HMBOX1: variants seen among roughly 807,000 people sequenced by gnomAD.
HMBOX1 encodes homeobox containing 1.
HMBOX1 carries 14 observed loss-of-function variants against 54.5 expected under a neutral mutation model. That is an observed-to-expected ratio of 0.26 (90% CI 0.17 to 0.40). The LOEUF is 0.40. Ranked by LOEUF, HMBOX1 falls within the 10% of genes least tolerant of loss-of-function variation. The probability of loss-of-function intolerance (pLI) is 1.00; values close to 1 mark genes in which losing one functional copy is unlikely to be tolerated. For missense variants in HMBOX1, 332 were observed against 514.4 expected (o/e 0.65, Z 3.43); for synonymous variants, 160 against 181.0 (o/e 0.88, Z 0.93).
intron 6 of HMBOX1, among the ~76,000 whole-genome samples, chr8:29,020,917 C>T (rs1306637689): frequency 2.0e-5 from 3 of 152,100 alleles, no homozygotes; most frequent in Admixed American, 2.0e-4. Context: ...TGGTTCACAC[C>T]TATAATTTCA....
chr8:28,953,200 A>G (rs1432723656), intron 1 of HMBOX1, among the ~76,000 whole-genome samples: 1 of 152,212 alleles, frequency 6.6e-6, no homozygotes, highest in Non-Finnish European at 1.5e-5. Flanking sequence ...TGAGAGATTC[A>G]TATTTCAATC....
At chr8:29,008,447 G>A (rs1833773861) in intron 4 of HMBOX1, among the ~76,000 whole-genome samples, 1 of 152,120 alleles carries the variant, frequency 6.6e-6, no homozygotes, top group South Asian at 2.1e-4. Context: ...TTTAGCTGTT[G>A]AGATTTCTTA....
intron 1 of HMBOX1, among the ~76,000 whole-genome samples, chr8:28,893,943 T>A (rs1811544400): frequency 6.6e-6 from 1 of 152,228 alleles, no homozygotes; most frequent in Non-Finnish European, 1.5e-5. Context: ...CCTGAATTAT[T>A]TCTCTTGGGA....
chr8:29,003,798 T>C (rs192554750), intron 4 of HMBOX1, among the ~76,000 whole-genome samples: 73 of 152,004 alleles, frequency 4.8e-4, no homozygotes, highest in Non-Finnish European at 9.9e-4. Flanking sequence ...AGGCGAATTA[T>C]AGAGATGATA....
intron 4 of HMBOX1, among the ~76,000 whole-genome samples, chr8:29,004,803 A>AG (rs1833183995): frequency 6.6e-6 from 1 of 152,156 alleles, no homozygotes; most frequent in African/African-American, 2.4e-5. Flanking sequence ...TTTTCTCCTG[A>AG]GAAAAAGTAT....
intron 1 of HMBOX1, among the ~76,000 whole-genome samples, chr8:28,939,816 C>A (rs1821049955): frequency 6.6e-6 from 1 of 151,900 alleles, no homozygotes; most frequent in African/African-American, 2.4e-5. Flanking sequence ...GGCCGAGGAA[C>A]TTGTTAAAAA....
At chr8:28,911,005 AT>A (rs1489358708) in intron 1 of HMBOX1, among the ~76,000 whole-genome samples, 22 of 152,230 alleles carry the variant, frequency 1.4e-4, no homozygotes. Flanking sequence ...GTGATGCTAA[AT>A]GACCACGTCA....
intron 1 of HMBOX1, among the ~76,000 whole-genome samples, chr8:28,907,862 T>C (rs1814639131): frequency 6.6e-6 from 1 of 152,004 alleles, no homozygotes; most frequent in Non-Finnish European, 1.5e-5. Context: ...TTTTTTTTTT[T>C]TGAGACAAGT....
chr8:29,039,997 T>C (rs1804585198), intron 6 of HMBOX1, among the ~76,000 whole-genome samples: 2 of 152,184 alleles, frequency 1.3e-5, no homozygotes, highest in South Asian at 2.1e-4. Flanking sequence ...CTTAAGTTTT[T>C]ATGCCTTCAT....
intron 1 of HMBOX1, among the ~76,000 whole-genome samples, chr8:28,913,855 C>CTTTT (rs1304959910): frequency 3.9e-4 from 40 of 101,292 alleles, no homozygotes; most frequent in Non-Finnish European, 5.1e-4. Context: ...TCAAGTGATT[C>CTTTT]TTTTTTTTTT....
intron 1 of HMBOX1, among the ~76,000 whole-genome samples, chr8:28,931,724 A>G (rs1385803450): frequency 6.6e-6 from 1 of 152,070 alleles, no homozygotes. Flanking sequence ...TCATTTTTGT[A>G]GAGATGGGAC....
intron 6 of HMBOX1, among the ~76,000 whole-genome samples, chr8:29,041,683 G>T (rs961010061): frequency 9.2e-5 from 14 of 152,130 alleles, no homozygotes; most frequent in African/African-American, 3.4e-4. Flanking sequence ...TTTGCACTGC[G>T]GGGTGGGGGA....
chr8:28,963,964 A>G (rs1255731683), intron 2 of HMBOX1, 74 bp downstream of exon 2: 2 of 1,199,238 alleles, frequency 1.7e-6, no homozygotes, highest in Non-Finnish European at 2.4e-6. Flanking sequence ...TATGATTATG[A>G]TCCAGATTTG....
intron 5 of HMBOX1, among the ~76,000 whole-genome samples, chr8:29,010,743 A>C (rs1023958302): frequency 3.3e-5 from 5 of 152,076 alleles, no homozygotes. Flanking sequence ...TTTTATATCC[A>C]GTCTGAGTCA....
At chr8:28,925,925 G>C (rs908190154) in intron 1 of HMBOX1, among the ~76,000 whole-genome samples, 2 of 152,136 alleles carry the variant, frequency 1.3e-5, no homozygotes, top group African/African-American at 2.4e-5. Flanking sequence ...CTGGTGTCTT[G>C]ATGGTTAAAT....
At position 29,051,354 on chromosome 8, in the gene HMBOX1, T is replaced by TA. The variant is rs1806406596; in HGVS notation, c.*201dup. 1 of 589,318 alleles carries TA rather than the reference T, an allele frequency of 1.7e-6. No homozygotes were observed. The allele number at this position is 589,318 out of a possible 1,614,324, so 36.5% of individuals were successfully genotyped here. ...TCTCTCAGTATTAACTCCCAGTAAA[T>TA]AATAACCAACCAACCAACCAAACTT... On this transcript the variant is annotated 3_prime_UTR_variant, in exon 10 of 10. Transcript: ENST00000287701.
At chr8:28,982,875 C>T (rs1029479924) in intron 4 of HMBOX1, among the ~76,000 whole-genome samples, 1 of 152,132 alleles carries the variant, frequency 6.6e-6, no homozygotes, top group Non-Finnish European at 1.5e-5. Flanking sequence ...CCACCCGCTT[C>T]GGCCTCCCAA....
chr8:28,960,757 T>TTTTTTTTTTTG (rs1825361944), intron 1 of HMBOX1, among the ~76,000 whole-genome samples: 2 of 16,186 alleles, frequency 1.2e-4, no homozygotes, highest in East Asian at 3.3e-3. Flanking sequence ...CTTTTTCTTT[T>TTTTTTTTTTTG]TCTTTTTCTT....
intron 1 of HMBOX1, among the ~76,000 whole-genome samples, chr8:28,913,682 G>T (rs1290564701): frequency 6.6e-6 from 1 of 152,092 alleles, no homozygotes; most frequent in African/African-American, 2.4e-5. Context: ...ACCCAGCACA[G>T]TTCTTGACTC....
Sources: gnomAD v4.1 joint callset for allele counts (sites outside exome capture counted in the v4.1 genomes callset) on GRCh38, gnomAD v4.1.1 for gene constraint, MANE v1.5 for transcripts, NCBI Gene and HGNC (gene_info 2026-07-23, HGNC 2026-07-21) for gene names.